ZNF83: variants seen among roughly 807,000 people sequenced by gnomAD.
The protein encoded by ZNF83 is zinc finger protein 816B.
For missense variants in ZNF83, 552 were observed against 629.9 expected (o/e 0.88, Z 1.32); for synonymous variants, 209 against 213.0 (o/e 0.98, Z 0.17).
intron 2 of ZNF83, among the ~76,000 whole-genome samples, chr19:52,620,320 GA>G (rs2060498179): frequency 7.7e-6 from 1 of 130,406 alleles, no homozygotes; most frequent in South Asian, 2.7e-4. Context: ...AACTGAAGAG[GA>G]ATCTCATCTT....
At chr19:52,664,663 G>A (rs745319739) in intron 1 of ZNF83, among the ~76,000 whole-genome samples, 9 of 151,846 alleles carry the variant, frequency 5.9e-5, no homozygotes, top group South Asian at 2.1e-4. Flanking sequence ...GAGGTGAGCC[G>A]GGCCTGAGCA....
chr19:52,649,918 T>G (rs918947023), intron 3 of ZNF83, among the ~76,000 whole-genome samples: 3 of 152,088 alleles, frequency 2.0e-5, no homozygotes, highest in Non-Finnish European at 4.4e-5. Context: ...TCTGACAGAA[T>G]GCACCAGAGG....
chr19:52,676,068 T>C (rs142194837), intron 1 of ZNF83, among the ~76,000 whole-genome samples: 6,012 of 152,270 alleles, frequency 0.039, 339 homozygotes, highest in African/African-American at 0.13. Context: ...TCCCGCTCAC[T>C]GCAACCTCCC....
intron 1 of ZNF83, among the ~76,000 whole-genome samples, chr19:52,684,570 A>T (rs539279034): frequency 5.4e-4 from 82 of 150,608 alleles, no homozygotes; most frequent in Non-Finnish European, 8.4e-4. Flanking sequence ...AAAAAAGGAA[A>T]GAAAGAAAAA....
intron 2 of ZNF83, among the ~76,000 whole-genome samples, chr19:52,620,100 A>C (rs1404088302): frequency 6.6e-6 from 1 of 152,200 alleles, no homozygotes; most frequent in South Asian, 2.1e-4. Flanking sequence ...TTTTTTATAT[A>C]TATGTCCACA....
chr19:52,627,178 C>T (rs549033877), intron 2 of ZNF83, among the ~76,000 whole-genome samples: 1 of 146,474 alleles, frequency 6.8e-6, no homozygotes, highest in East Asian at 2.3e-4. Flanking sequence ...TTACCCCAGG[C>T]CTATAAAACT....
chr19:52,615,187 G>C (rs2060261549), intron 2 of ZNF83, among the ~76,000 whole-genome samples: 1 of 152,104 alleles, frequency 6.6e-6, no homozygotes, highest in Non-Finnish European at 1.5e-5. Flanking sequence ...ATTGACTAAG[G>C]TCAGAGAAAA....
At chr19:52,644,291 C>T (rs979435518) in intron 3 of ZNF83, among the ~76,000 whole-genome samples, 1 of 152,032 alleles carries the variant, frequency 6.6e-6, no homozygotes, top group Non-Finnish European at 1.5e-5. Context: ...CTCTATTTTG[C>T]CAATCATTTC....
intron 1 of ZNF83, among the ~76,000 whole-genome samples, chr19:52,662,339 C>G (rs68159327): frequency 0.43 from 65,700 of 151,784 alleles, 14,426 homozygotes; most frequent in East Asian, 0.56. Flanking sequence ...TGGAAATGTG[C>G]ATTTGGAGAC....
chr19:52,653,250 A>C, intron 3 of ZNF83: 1 of 1,524,608 alleles, frequency 6.6e-7, no homozygotes, highest in Non-Finnish European at 9.0e-7. Flanking sequence ...CTCCAGTATG[A>C]AGCCTATAAT....
chr19:52,659,247 G>A (rs890079897), intron 2 of ZNF83, among the ~76,000 whole-genome samples: 2 of 152,074 alleles, frequency 1.3e-5, no homozygotes, highest in African/African-American at 4.8e-5. Flanking sequence ...GAGGAAAGCT[G>A]CGATGGAAGC....
rs772219495 is a variant in ZNF83, at chr19:52,614,399, G to A, written c.166C>T (p.Pro56Ser). The A allele has an allele frequency of 5.1e-5, 82 of 1,613,344 alleles. No individual in the cohort carries two copies. The highest frequency in any genetic ancestry group is 6.4e-5 in the Non-Finnish European group (76 of 1,179,470). The change falls in exon 3 of 3, where the codon CCC becomes TCC. Residue 56 changes from proline to serine, a missense_variant. Pro to Ser is a moderately conservative substitution (Grantham distance 74). Coordinates refer to ENST00000301096, the Ensembl canonical transcript of ZNF83. The stretch of plus-strand genomic sequence containing the variant: ...TTGACAGTAGAAGAAATACGTTGGG[G>A]TGGGGAAACTAAGGAACTACTGTTG...
intron 2 of ZNF83, among the ~76,000 whole-genome samples, chr19:52,615,657 G>A (rs1156764592): frequency 1.3e-5 from 2 of 152,110 alleles, no homozygotes; most frequent in Non-Finnish European, 2.9e-5. Context: ...CACCCAGGAA[G>A]TGTTTTTATG....
intron 3 of ZNF83, among the ~76,000 whole-genome samples, chr19:52,646,484 G>A (rs1302203678): frequency 6.6e-6 from 1 of 152,180 alleles, no homozygotes; most frequent in Non-Finnish European, 1.5e-5. Flanking sequence ...CGGAGGTCAA[G>A]GCTACAGTTA....
intron 1 of ZNF83, 70 bp from the exon 2 acceptor site, chr19:52,635,223 T>C (rs2061107043): frequency 1.9e-6 from 1 of 522,340 alleles, no homozygotes; most frequent in Admixed American, 3.2e-5. Flanking sequence ...TAACAACACA[T>C]ACAAAGGAGA....
upstream of ZNF83, among the ~76,000 whole-genome samples, chr19:52,640,300 C>T (rs950105395): frequency 3.3e-5 from 5 of 152,142 alleles, no homozygotes; most frequent in African/African-American, 1.2e-4. Context: ...ATGAGATCGG[C>T]GTTCCAAAGT....
intron 1 of ZNF83, among the ~76,000 whole-genome samples, chr19:52,664,184 A>ATT (rs57600625): frequency 5.6e-5 from 8 of 141,856 alleles, no homozygotes; most frequent in Admixed American, 1.4e-4. Context: ...CACCAGGCCT[A>ATT]TTTTTTTTTT....
intron 1 of ZNF83, among the ~76,000 whole-genome samples, chr19:52,671,725 G>C (rs1254652198): frequency 6.6e-6 from 1 of 152,138 alleles, no homozygotes; most frequent in Non-Finnish European, 1.5e-5. Context: ...TTACAGGCAA[G>C]CCACCACACC....
chr19:52,686,679 T>C (rs967930102), intron 1 of ZNF83, among the ~76,000 whole-genome samples: 13 of 152,088 alleles, frequency 8.5e-5, no homozygotes, highest in Admixed American at 2.6e-4. Flanking sequence ...GTTCAAGTGA[T>C]TGTGTACCTC....
Sources: allele counts gnomAD v4.1 joint callset (sites outside exome capture counted in the v4.1 genomes callset), GRCh38; gene constraint gnomAD v4.1.1; transcripts MANE v1.5; gene names NCBI Gene and HGNC (gene_info 2026-07-23, HGNC 2026-07-21).